The following LRRFIP1 variants were observed in gnomAD, a reference collection of about 807,000 sequenced individuals.
LRRFIP1 encodes LRR binding FLII interacting protein 1, also known as leucine-rich repeat flightless-interacting protein 1.
A neutral mutation model predicts 104.4 loss-of-function variants in LRRFIP1; 62 were observed. The ratio of observed to expected loss-of-function variants is 0.59; its 90% CI spans 0.48 to 0.73. The LOEUF is 0.73. Ranked by LOEUF, LRRFIP1 falls within the 30% of genes least tolerant of loss-of-function variation. The pLI is 0.00. For missense variants in LRRFIP1, 796 were observed against 824.5 expected, an observed-to-expected ratio of 0.97 and a Z score of 0.42; for synonymous variants, 300 against 299.0, an observed-to-expected ratio of 1.00 and a Z score of -0.03.
intron 19 of LRRFIP1, chr2:237,768,204 CTCTT>C (rs1403700738): frequency 1.3e-5 from 2 of 152,182 alleles, no homozygotes; most frequent in African/African-American, 4.8e-5. Flanking sequence ...TTTCTTCAAA[CTCTT>C]TCGTTCTTGT....
chr2:237,713,803 GTTA>G lies in LRRFIP1; in HGVS notation c.184-453_184-451del, dbSNP rs770353597. Among the ~76,000 whole-genome samples the G allele has an allele frequency of 9.2e-5, 14 of 152,284 alleles. No individual in the cohort carries two copies. The East Asian group carries it at 1.9e-3, about 21-fold the overall frequency. ...CACTCCATTTAGCTGGAATTTTCCT[GTTA>G]TTCTGTGTGTGTCTGTGTGAATCAG... is the stretch of plus-strand genomic sequence containing the variant. On this transcript the variant is annotated intron_variant, in intron 2 of 23. Coordinates refer to ENST00000308482, the MANE Select transcript of LRRFIP1 (RefSeq NM_001137550.2).
chr2:237,691,691 C>A lies in LRRFIP1; in HGVS notation c.97-16853C>A. Among the ~76,000 whole-genome samples the A allele has an allele frequency of 6.6e-6, 1 of 152,096 alleles. No individual in the cohort carries two copies. Among genetic ancestry groups the A allele is most frequent in the Non-Finnish European group, 1.5e-5 (1 of 67,986 alleles). ...CCTCGCCCAGCCCCGGGCAGGTCCC[C>A]CCCCGGAGGGGACCCCCTCTTCGGG... On this transcript the variant is annotated intron_variant, in intron 1 of 23. Transcript: ENST00000308482. The surrounding 1 kb of genome is among the most constrained non-coding windows in gnomAD (Gnocchi z 5.4).
intron 11 of LRRFIP1, among the ~76,000 whole-genome samples, chr2:237,743,511 C>T (rs377486802): frequency 3.8e-4 from 58 of 152,284 alleles, no homozygotes; most frequent in African/African-American, 1.3e-3. Flanking sequence ...ATACTGTTCA[C>T]CTCATTCTCA....
chr2:237,749,108 GT>G, intron 12 of LRRFIP1, 90 bp from the exon 13 acceptor site: 1 of 1,393,658 alleles, frequency 7.2e-7, no homozygotes, highest in Non-Finnish European at 9.8e-7. Flanking sequence ...CCCTCATCTT[GT>G]GGGGATTATG....
Position 237,708,592 on chromosome 2 carries a change from G to T in LRRFIP1, c.145G>T (p.Glu49Ter). 1 of 1,600,524 alleles carries T rather than the reference G, an allele frequency of 6.2e-7. No individual in the cohort carries two copies. Among genetic ancestry groups the T allele is most frequent in the South Asian group, 1.1e-5 (1 of 89,308 alleles). ...ACGGGCGGCCCGCGCGGAGGCTCGCGAGATCCGCATGAAGGAGCTGGAGCG... is the reference window on the plus strand; with the variant it reads ...ACGGGCGGCCCGCGCGGAGGCTCGCTAGATCCGCATGAAGGAGCTGGAGCG... ...AKRAARAEAR[E>*]IRMKELERQQ... Residue 49 changes from glutamate to a stop codon, truncating the protein, a stop_gained, in exon 2 of 24, where the codon GAG (glutamate) becomes TAG (stop). Coordinates refer to ENST00000308482, the MANE Select transcript of LRRFIP1 (RefSeq NM_001137550.2). LOFTEE classifies it high-confidence loss of function.
intron 8 of LRRFIP1, among the ~76,000 whole-genome samples, chr2:237,731,500 C>T (rs2095009667): frequency 6.6e-6 from 1 of 151,926 alleles, no homozygotes; most frequent in African/African-American, 2.4e-5. Flanking sequence ...TTCTGTCCCC[C>T]AATATGTGAA....
At chr2:237,746,690 G>C (rs1207463809) in intron 11 of LRRFIP1, among the ~76,000 whole-genome samples, 1 of 152,242 alleles carries the variant, frequency 6.6e-6, no homozygotes, top group Non-Finnish European at 1.5e-5. Flanking sequence ...GATGGTATGG[G>C]CCACAGCTGG....
intron 10 of LRRFIP1, among the ~76,000 whole-genome samples, chr2:237,737,573 A>G (rs541561140): frequency 6.6e-6 from 1 of 152,338 alleles, no homozygotes; most frequent in South Asian, 2.1e-4. Context: ...ACAACAGTTC[A>G]CTGTGTCTTT....
At chr2:237,774,169 C>G (rs1057254274) in intron 22 of LRRFIP1, 189 bp from the exon 23 acceptor site, 4 of 568,332 alleles carry the variant, frequency 7.0e-6, no homozygotes, top group African/African-American at 5.6e-5. Context: ...AGCACAGGGT[C>G]GCCCAGAAAT....
intron 13 of LRRFIP1, 92 bp downstream of exon 13, chr2:237,749,416 C>T: frequency 1.0e-5 from 15 of 1,445,770 alleles, no homozygotes; most frequent in East Asian, 2.5e-5. Context: ...TCATAAAGTT[C>T]TGGATCTTTC....
chr2:237,719,972 G>C (rs2150164602), intron 5 of LRRFIP1, among the ~76,000 whole-genome samples: 1 of 122,334 alleles, frequency 8.2e-6, no homozygotes, highest in South Asian at 2.5e-4. Flanking sequence ...TTTTGAGACA[G>C]AGTCTCGCTT....
At chr2:237,647,645 G>A (rs542889856) in intron 1 of LRRFIP1, among the ~76,000 whole-genome samples, 9 of 151,958 alleles carry the variant, frequency 5.9e-5, no homozygotes, top group African/African-American at 1.2e-4. Context: ...CCCAGTGGCC[G>A]GGCAATCACT....
chr2:237,634,973 C>T (rs1211793958), intron 1 of LRRFIP1, among the ~76,000 whole-genome samples: 1 of 152,218 alleles, frequency 6.6e-6, no homozygotes, highest in Non-Finnish European at 1.5e-5. Flanking sequence ...GGATGTTCTC[C>T]TCAGGGTTTC....
At chr2:237,692,468 G>A (rs1312616684) in intron 1 of LRRFIP1, 2 of 1,531,066 alleles carry the variant, frequency 1.3e-6, no homozygotes, top group Admixed American at 2.0e-5. Context: ...GACCAGCCCC[G>A]CGGCCGCTCA....
intron 1 of LRRFIP1, among the ~76,000 whole-genome samples, chr2:237,673,357 G>A (rs1314371974): frequency 6.6e-6 from 1 of 152,208 alleles, no homozygotes; most frequent in African/African-American, 2.4e-5. Context: ...GCGCCCGGGG[G>A]GAGTCTGGAC....
intron 11 of LRRFIP1, 24 bp from the exon 12 acceptor site, chr2:237,748,340 T>A: frequency 1.9e-6 from 3 of 1,557,152 alleles, no homozygotes; most frequent in Non-Finnish European, 2.7e-6. Context: ...AAGTATTTAA[T>A]ATTTTGTCTG....
chr2:237,668,824 T>G (rs1410902327), intron 1 of LRRFIP1, among the ~76,000 whole-genome samples: 1 of 152,184 alleles, frequency 6.6e-6, no homozygotes, highest in Admixed American at 6.5e-5. Flanking sequence ...TAATACATGT[T>G]TATTATAGAA....
At position 237,756,166 on chromosome 2, in the gene LRRFIP1, G is replaced by A. The variant is rs754503320; in HGVS notation, c.1110G>A (p.Lys370=). 6.2e-7 allele frequency: 1 copy of A among 1,613,890 alleles called. No individual in the cohort carries two copies. Among genetic ancestry groups the A allele is most frequent in the Admixed American group, 1.7e-5 (1 of 60,020 alleles). ...FQFAEVKEAL[K]QREEMLEEIR... ...TTGCTGAAGTCAAGGAGGCCCTGAA[G>A]CAAAGAGAGGAAATGCTCGAGGTAG... is the stretch of plus-strand genomic sequence containing the variant. Residue 370 remains lysine (K), a synonymous_variant, in exon 16 of 24, where the codon AAG becomes AAA. Transcript: ENST00000308482.
At chr2:237,777,623 G>A (rs2061198595) in intron 23 of LRRFIP1, among the ~76,000 whole-genome samples, 1 of 151,874 alleles carries the variant, frequency 6.6e-6, no homozygotes, top group Non-Finnish European at 1.5e-5. Flanking sequence ...TTTCTTTCAG[G>A]TTCTGTTTGT....
Sources: gnomAD v4.1 joint callset for allele counts (sites outside exome capture counted in the v4.1 genomes callset) on GRCh38, gnomAD v4.1.1 for gene constraint, Gnocchi (gnomAD v3.1) non-coding constraint, MANE v1.5 for transcripts, NCBI Gene and HGNC (gene_info 2026-07-23, HGNC 2026-07-21) for gene names.